The following RALGPS1 variants were observed in gnomAD, a reference collection of about 807,000 sequenced individuals.
RALGPS1 encodes Ral GEF with PH domain and SH3 binding motif 1, also known as ras-specific guanine nucleotide-releasing factor RalGPS1.
A neutral mutation model predicts 78.8 loss-of-function variants in RALGPS1; 19 were observed. The ratio of observed to expected loss-of-function variants is 0.24; its 90% confidence interval spans 0.17 to 0.35. The LOEUF (loss-of-function observed/expected upper bound fraction) is 0.35, where lower values mean the gene tolerates loss of function less well. RALGPS1 is among the 10% of genes least tolerant of loss of function. The pLI, the probability that RALGPS1 is intolerant of heterozygous loss-of-function variation, is 1.00. For synonymous variants in RALGPS1, 228 were observed against 256.3 expected (o/e 0.89, Z 1.06); for missense variants, 454 against 688.3 (o/e 0.66, Z 3.81).
At chr9:127,194,412 G>C (rs1292626339) in intron 11 of RALGPS1, among the ~76,000 whole-genome samples, 1 of 152,188 alleles carries the variant, frequency 6.6e-6, no homozygotes, top group African/African-American at 2.4e-5. Flanking sequence ...CTTGGTGTTA[G>C]AAGACACACT....
At chr9:126,940,822 C>T (rs567308762) in intron 1 of RALGPS1, among the ~76,000 whole-genome samples, 1 of 152,166 alleles carries the variant, frequency 6.6e-6, no homozygotes, top group Non-Finnish European at 1.5e-5. Context: ...AGACCCGAAC[C>T]TGGGAACCGC....
chr9:127,086,449 T>C (rs751247088), intron 8 of RALGPS1, among the ~76,000 whole-genome samples: 33 of 152,220 alleles, frequency 2.2e-4, no homozygotes, highest in Non-Finnish European at 2.1e-4. Context: ...CCTTCACTTA[T>C]AGCACCTCTC....
chr9:127,049,376 C>G (rs1314554355), intron 5 of RALGPS1, among the ~76,000 whole-genome samples: 5 of 152,124 alleles, frequency 3.3e-5, no homozygotes, highest in African/African-American at 1.2e-4. Flanking sequence ...TGTGAGAGGT[C>G]AAGCATGAAT....
chr9:127,152,510 G>T (rs1338353470), intron 8 of RALGPS1, among the ~76,000 whole-genome samples: 1 of 152,204 alleles, frequency 6.6e-6, no homozygotes, highest in African/African-American at 2.4e-5. Flanking sequence ...GGCAGTGAGT[G>T]TACTGGTCAT....
At chr9:126,976,590 G>C (rs1485124791) in intron 3 of RALGPS1, among the ~76,000 whole-genome samples, 1 of 152,200 alleles carries the variant, frequency 6.6e-6, no homozygotes, top group African/African-American at 2.4e-5. Flanking sequence ...CTGACTGAGA[G>C]AGATTGTGTG....
At chr9:127,041,106 C>T (rs550182199) in intron 5 of RALGPS1, among the ~76,000 whole-genome samples, 92 of 140,542 alleles carry the variant, frequency 6.5e-4, no homozygotes, top group African/African-American at 2.5e-3. Context: ...TTTTTTTTAT[C>T]CCCGAGGTGG....
intron 10 of RALGPS1, among the ~76,000 whole-genome samples, chr9:127,171,846 C>G (rs1232720256): frequency 1.3e-5 from 2 of 152,176 alleles, no homozygotes; most frequent in African/African-American, 2.4e-5. Flanking sequence ...CCATTGTGAA[C>G]AGTGTCAGCC....
rs1486567192 is a variant in RALGPS1 at position 127,188,379 on chromosome 9, G to T, written c.911-6712G>T. ...AATGCACAGATACAAAAGCTTAGCT[G>T]CACTTTCAGTCCTCTATACACCTCT... On this transcript the variant is annotated intron_variant, in intron 11 of 18. Transcript: ENST00000259351. Among the ~76,000 whole-genome samples the T allele has an allele frequency of 2.6e-5, 4 of 152,118 alleles. 1 individual carries two copies. The highest frequency in any genetic ancestry group is 3.9e-4 in the East Asian group (2 of 5,172).
intron 8 of RALGPS1, among the ~76,000 whole-genome samples, chr9:127,152,692 C>G (rs1056927441): frequency 2.6e-5 from 4 of 152,192 alleles, no homozygotes; most frequent in Admixed American, 1.3e-4. Context: ...CTAAGGCTGT[C>G]TGTCCATAAG....
intron 5 of RALGPS1, among the ~76,000 whole-genome samples, chr9:127,047,221 C>G (rs937735822): frequency 6.6e-6 from 1 of 152,076 alleles, no homozygotes; most frequent in Non-Finnish European, 1.5e-5. Flanking sequence ...AGCATTATTA[C>G]AACAAAATTA....
intron 18 of RALGPS1, chr9:127,217,038 A>G (rs1182498066): frequency 6.7e-7 from 1 of 1,496,010 alleles, no homozygotes; most frequent in Admixed American, 2.4e-5. Flanking sequence ...CAGGAGCAAC[A>G]GTGGTAGCCC....
chr9:127,042,339 G>A (rs575139054), intron 5 of RALGPS1, among the ~76,000 whole-genome samples: 81 of 152,130 alleles, frequency 5.3e-4, no homozygotes, highest in African/African-American at 1.9e-3. Flanking sequence ...GTTATGCTCC[G>A]GGTGTGTTTG....
intron 1 of RALGPS1, among the ~76,000 whole-genome samples, chr9:126,932,540 A>G (rs188086821): frequency 6.6e-6 from 1 of 152,216 alleles, no homozygotes; most frequent in African/African-American, 2.4e-5. Context: ...CACGTGGTAC[A>G]CTCCCATGAT....
intron 8 of RALGPS1, among the ~76,000 whole-genome samples, chr9:127,071,039 C>CTCTA (rs1554816818): frequency 6.1e-4 from 90 of 147,392 alleles, no homozygotes; most frequent in African/African-American, 2.1e-3. Flanking sequence ...CTCTCTCTCT[C>CTCTA]TATATATATA....
chr9:126,919,307 A>G (rs1170988314), intron 1 of RALGPS1, among the ~76,000 whole-genome samples: 2 of 152,190 alleles, frequency 1.3e-5, no homozygotes, highest in Non-Finnish European at 2.9e-5. Context: ...ATTGGTTAGC[A>G]GTCATTGTTT....
chr9:127,087,958 A>G (rs1361467231), intron 8 of RALGPS1: 1 of 152,654 alleles, frequency 6.6e-6, no homozygotes, highest in African/African-American at 2.4e-5. Flanking sequence ...TACATTATCT[A>G]TACGGCCGGT....
At chr9:127,060,825 C>G (rs930316204) in intron 7 of RALGPS1, among the ~76,000 whole-genome samples, 1 of 152,234 alleles carries the variant, frequency 6.6e-6, no homozygotes, top group South Asian at 2.1e-4. Context: ...TGCCATCGCT[C>G]CTTCAGAGCA....
chr9:127,157,911 C>A (rs1049520857), intron 8 of RALGPS1, among the ~76,000 whole-genome samples: 1 of 152,056 alleles, frequency 6.6e-6, no homozygotes, highest in Non-Finnish European at 1.5e-5. Context: ...AATAGGATTT[C>A]AATATTAAGA....
At chr9:126,958,142 A>AAAAAATATATATATATATATATATAT (rs113413659) in intron 1 of RALGPS1, among the ~76,000 whole-genome samples, 1 of 77,098 alleles carries the variant, frequency 1.3e-5, no homozygotes, top group African/African-American at 4.1e-5. Context: ...AAAAAAAAAA[A>AAAAAATATATATATATATATATATAT]ATATATATAT....
Sources: gnomAD v4.1 joint callset for allele counts (sites outside exome capture counted in the v4.1 genomes callset) on GRCh38, gnomAD v4.1.1 for gene constraint, MANE v1.5 for transcripts, NCBI Gene and HGNC (gene_info 2026-07-23, HGNC 2026-07-21) for gene names.